Variants in DPYSL5 observed in about 807,000 individuals in gnomAD.
DPYSL5 encodes dihydropyrimidinase-related protein 5.
Under a neutral mutation model 58.4 loss-of-function variants are expected in DPYSL5, and 9 were observed. The observed-to-expected ratio is 0.15, with a 90% CI of 0.09 to 0.27. The LOEUF is 0.27. Ranked by LOEUF, DPYSL5 falls within the 10% of genes least tolerant of loss-of-function variation. The pLI is 1.00. For synonymous variants in DPYSL5, 293 were observed against 301.9 expected (o/e 0.97, Z 0.31); for missense variants, 499 against 770.6 (o/e 0.65, Z 4.17).
chr2:26,915,811 T>C (rs1330202842), intron 2 of DPYSL5, among the ~76,000 whole-genome samples: 7 of 152,212 alleles, frequency 4.6e-5, no homozygotes, highest in African/African-American at 1.7e-4. Flanking sequence ...TCAGCTCTCC[T>C]CTCAGTCTCC....
chr2:26,893,442 G>A (rs1458342423), intron 1 of DPYSL5, among the ~76,000 whole-genome samples: 1 of 152,202 alleles, frequency 6.6e-6, no homozygotes, highest in Non-Finnish European at 1.5e-5. Context: ...TAAATGATGA[G>A]GATGAGAGAA....
chr2:26,890,655 T>C (rs111886476), intron 1 of DPYSL5, among the ~76,000 whole-genome samples: 404 of 152,352 alleles, frequency 2.7e-3, no homozygotes, highest in African/African-American at 9.3e-3. Flanking sequence ...CAAGGCTAGA[T>C]GCTTGTATTA....
intron 2 of DPYSL5, among the ~76,000 whole-genome samples, chr2:26,918,004 G>A (rs928191115): frequency 2.6e-5 from 4 of 152,002 alleles, no homozygotes; most frequent in Non-Finnish European, 5.9e-5. Context: ...AGGCATGATG[G>A]CACACGCCTG....
chr2:26,855,576 G>A (rs184491806), intron 1 of DPYSL5, among the ~76,000 whole-genome samples: 1 of 152,312 alleles, frequency 6.6e-6, no homozygotes, highest in Admixed American at 6.5e-5. Context: ...GTTTGGCAAA[G>A]GGGTTGAGGT....
At chr2:26,870,636 G>T (rs1412520803) in intron 1 of DPYSL5, among the ~76,000 whole-genome samples, 1 of 151,074 alleles carries the variant, frequency 6.6e-6, no homozygotes, top group Admixed American at 6.6e-5. Flanking sequence ...AGCCCAGGAG[G>T]TTGAGGCTGC....
chr2:26,926,705 T>C (rs1664837007), intron 3 of DPYSL5, among the ~76,000 whole-genome samples: 2 of 152,228 alleles, frequency 1.3e-5, no homozygotes, highest in African/African-American at 2.4e-5. Context: ...CCACTTAATA[T>C]TCTACCAAGT....
At position 26,898,762 on chromosome 2, in the gene DPYSL5, TA is replaced by T; in HGVS notation, c.261+4del. Reference sequence around the variant, plus strand: ...GACGACTTCTACCATGGGACCAAGGTAATGCTCCTGTTTGCCAAAGGTGGCT... The same window carrying T: ...GACGACTTCTACCATGGGACCAAGGTATGCTCCTGTTTGCCAAAGGTGGCT... On this transcript the variant is annotated splice_donor_region_variant and intron_variant, in intron 2 of 12. Transcript: ENST00000288699. The surrounding 1 kb of genome is among the most constrained non-coding windows in gnomAD (Gnocchi z 6.1). The T allele has an allele frequency of 6.2e-7, 1 of 1,600,312 alleles. No individual in the cohort carries two copies. Among genetic ancestry groups the T allele is most frequent in the Non-Finnish European group, 8.5e-7 (1 of 1,170,396 alleles).
intron 1 of DPYSL5, among the ~76,000 whole-genome samples, chr2:26,896,094 A>T (rs967376637): frequency 6.6e-6 from 1 of 151,880 alleles, no homozygotes; most frequent in African/African-American, 2.4e-5. Flanking sequence ...CTCTATTTCT[A>T]TGGATCAACT....
intron 1 of DPYSL5, among the ~76,000 whole-genome samples, chr2:26,888,165 T>G (rs940771923): frequency 6.6e-6 from 1 of 152,132 alleles, no homozygotes; most frequent in Non-Finnish European, 1.5e-5. Flanking sequence ...TACTTCTGAT[T>G]CTTTCTTTCT....
chr2:26,915,417 G>A (rs34803465), intron 2 of DPYSL5, among the ~76,000 whole-genome samples: 58,454 of 152,024 alleles, frequency 0.38, 11,642 homozygotes, highest in Admixed American at 0.54. Context: ...AACAAACCGA[G>A]TAATGCAAAT....
At chr2:26,936,026 T>A (rs7602411) in intron 8 of DPYSL5, among the ~76,000 whole-genome samples, 8 of 152,204 alleles carry the variant, frequency 5.3e-5, no homozygotes, top group African/African-American at 1.9e-4. Context: ...TAGCCCACAG[T>A]CCAGGCAAGG....
chr2:26,931,146 AAAAAAAATATAT>A (rs1664963542), intron 5 of DPYSL5, among the ~76,000 whole-genome samples: 1 of 60,660 alleles, frequency 1.6e-5, no homozygotes, highest in African/African-American at 6.8e-5. Flanking sequence ...CTAAAAAAAA[AAAAAAAATATAT>A]ATATATATAT....
At chr2:26,875,447 C>T (rs1433822137) in intron 1 of DPYSL5, among the ~76,000 whole-genome samples, 2 of 152,172 alleles carry the variant, frequency 1.3e-5, no homozygotes, top group East Asian at 1.9e-4. Context: ...CCTTGACTCC[C>T]TGAGGAAGGT....
chr2:26,855,487 T>C lies in DPYSL5; in HGVS notation c.-5+7233T>C, dbSNP rs539669798. 3.3e-5 allele frequency among the ~76,000 whole-genome samples: 5 copies of C among 152,296 alleles called. No individual in the cohort carries two copies. The East Asian group carries it at 9.7e-4, about 29-fold the overall frequency. On this transcript the variant is annotated intron_variant, in intron 1 of 12. Coordinates refer to ENST00000288699, the MANE Select transcript of DPYSL5 (RefSeq NM_020134.4). ...GTTTTTGTGAATGACTAGATTCTTT[T>C]GGAAAGAAAGGAGAACTTCTGCATT... is the stretch of plus-strand genomic sequence containing the variant.
In DPYSL5 at chr2:26,948,128, T is replaced by G. The variant is rs1221003675; in HGVS notation, c.*1133T>G. The G allele has an allele frequency of 6.7e-6, 1 of 149,448 alleles. No homozygotes were observed. Among genetic ancestry groups the G allele is most frequent in the Admixed American group, 6.6e-5 (1 of 15,134 alleles). The allele number at this position is 149,448 out of a possible 1,614,324, so 9.3% of individuals were successfully genotyped here. A position where few individuals can be genotyped will look rare whatever the true frequency, so the allele number is the denominator to read the frequency against. ...ACACACACGCACGGCTTCCTATAAC[T>G]TCTTCCTGCTGGACAGAGACTCAGC... On this transcript the variant is annotated 3_prime_UTR_variant, in exon 13 of 13. Coordinates refer to ENST00000288699, the MANE Select transcript of DPYSL5 (RefSeq NM_020134.4).
chr2:26,915,359 A>C (rs1163852094), intron 2 of DPYSL5, among the ~76,000 whole-genome samples: 1 of 152,148 alleles, frequency 6.6e-6, no homozygotes, highest in Non-Finnish European at 1.5e-5. Flanking sequence ...GGCTTCTCCC[A>C]CCATTGCCCT....
At chr2:26,880,996 T>G (rs1663545751) in intron 1 of DPYSL5, among the ~76,000 whole-genome samples, 1 of 152,200 alleles carries the variant, frequency 6.6e-6, no homozygotes. Flanking sequence ...ATGTTTCATT[T>G]CCTCACAGGG....
At chr2:26,859,675 G>A (rs757471080) in intron 1 of DPYSL5, among the ~76,000 whole-genome samples, 12 of 152,196 alleles carry the variant, frequency 7.9e-5, no homozygotes, top group Non-Finnish European at 1.6e-4. Context: ...GTGGCAGATA[G>A]CACCTGATGT....
chr2:26,872,532 A>T (rs538085520), intron 1 of DPYSL5, among the ~76,000 whole-genome samples: 2 of 152,184 alleles, frequency 1.3e-5, no homozygotes, highest in Admixed American at 6.5e-5. Context: ...TCTACTAAAA[A>T]TACAAAATTC....
Sources: allele counts gnomAD v4.1 joint callset (sites outside exome capture counted in the v4.1 genomes callset), GRCh38; gene constraint gnomAD v4.1.1; non-coding constraint Gnocchi (gnomAD v3.1); transcripts MANE v1.5; gene names NCBI Gene and HGNC (gene_info 2026-07-23, HGNC 2026-07-21).